The following DHX34 variants were observed in gnomAD, a reference collection of about 807,000 sequenced individuals.
DHX34 encodes the protein probable ATP-dependent RNA helicase DHX34.
A neutral mutation model predicts 111.1 loss-of-function variants in DHX34; 96 were observed. The observed-to-expected ratio is 0.86, with a 90% CI of 0.73 to 1.02. The LOEUF is 1.02. Among genes scored for constraint, DHX34 ranks in the 50% least tolerant of loss-of-function variants. The pLI, the probability that DHX34 is intolerant of heterozygous loss-of-function variation, is 0.00. For missense variants in DHX34, 1,560 were observed against 1,579.9 expected, an observed-to-expected ratio of 0.99 and a Z score of 0.21; for synonymous variants, 688 against 670.4, an observed-to-expected ratio of 1.03 and a Z score of -0.41.
rs752155632 is a variant in DHX34, at chr19:47,359,927, G to A, written c.1273-41G>A. ...AAATTGGACACATAGGTTAGTCGGGGCTGAGTTAGTTCCTGACACCACCCC... is the reference window on the plus strand; with the variant it reads ...AAATTGGACACATAGGTTAGTCGGGACTGAGTTAGTTCCTGACACCACCCC... On this transcript the variant is annotated intron_variant, in intron 4 of 16. Coordinates refer to ENST00000328771, the MANE Select transcript of DHX34 (RefSeq NM_014681.6). 3.7e-6 allele frequency: 6 copies of A among 1,613,632 alleles called. No homozygotes were observed. In the Admixed American group the frequency reaches 8.3e-5, roughly 22 times the overall value.
intron 7 of DHX34, among the ~76,000 whole-genome samples, chr19:47,367,856 A>G (rs1171290060): frequency 7.0e-6 from 1 of 141,914 alleles, no homozygotes; most frequent in Non-Finnish European, 1.5e-5. Flanking sequence ...AGACCATGCC[A>G]TTGTACTCTA....
At chr19:47,381,517 A>C in intron 16 of DHX34, 193 bp downstream of exon 16, 1 of 750,696 alleles carries the variant, frequency 1.3e-6, no homozygotes, top group Admixed American at 3.1e-5. Context: ...CTGGAGCGCC[A>C]CCTCTTTCTG....
At position 47,380,957 on chromosome 19, in the gene DHX34, G is replaced by A. The variant is rs148368794; in HGVS notation, c.3124G>A (p.Ala1042Thr). The A allele has an allele frequency of 2.8e-5, 45 of 1,597,958 alleles. No homozygotes were observed. The highest frequency in any genetic ancestry group is 3.5e-5 in the Non-Finnish European group (41 of 1,173,064). Reference sequence around the variant, plus strand: ...CCCCCACCCCACAAAGGGGGGCTACGCAGTCACTGACTTCCTCACCTACAA... The same window carrying A: ...CCCCCACCCCACAAAGGGGGGCTACACAGTCACTGACTTCCTCACCTACAA... ...LSPHPTKGGY[A>T]VTDFLTYNCL... is the part of the protein sequence containing the mutation. The change falls in exon 15 of 17, where the codon GCA becomes ACA. Residue 1042 changes from alanine (A) to threonine (T), a missense_variant. Physicochemically the swap from Ala to Thr is moderately conservative, Grantham distance 58. Coordinates refer to ENST00000328771, the MANE Select transcript of DHX34 (RefSeq NM_014681.6).
chr19:47,359,574 G>C (rs1169728062), intron 4 of DHX34, among the ~76,000 whole-genome samples: 1 of 152,098 alleles, frequency 6.6e-6, no homozygotes, highest in African/African-American at 2.4e-5. Context: ...CTGAGGTCAA[G>C]AGTTCAAGAC....
chr19:47,356,241 T>A (rs1400396504), intron 3 of DHX34, among the ~76,000 whole-genome samples: 1 of 152,192 alleles, frequency 6.6e-6, no homozygotes, highest in Non-Finnish European at 1.5e-5. Flanking sequence ...TGAGTTATCC[T>A]TGTCTGTATA....
chr19:47,381,014 C>T (rs1599780731), intron 15 of DHX34, 22 bp downstream of exon 15: 1 of 1,547,176 alleles, frequency 6.5e-7, no homozygotes, highest in Non-Finnish European at 8.7e-7. Flanking sequence ...CCCTCCTTCC[C>T]TGAAGGTGGG....
intron 7 of DHX34, 83 bp from the exon 8 acceptor site, chr19:47,372,641 CAGGCGG>C: frequency 7.8e-7 from 1 of 1,281,746 alleles, no homozygotes; most frequent in African/African-American, 2.2e-5. Context: ...AGCAGGAGGG[CAGGCGG>C]GAGGGCAGGC....
chr19:47,382,078 A>G lies in DHX34; in HGVS notation c.3397A>G (p.Thr1133Ala). 6.2e-7 allele frequency: 1 copy of G among 1,613,986 alleles called. No individual in the cohort carries two copies. The highest frequency in any genetic ancestry group is 8.5e-7 in the Non-Finnish European group (1 of 1,179,982). ...ACGKDFLFTPTEVLRHRKQHV is the reference protein window; with the variant it reads ...ACGKDFLFTPAEVLRHRKQHV The stretch of plus-strand genomic sequence containing the variant: ...CGGGAAGGACTTCCTCTTTACACCC[A>G]CAGAGGTGCTGCGCCACCGGAAGCA... The change falls in exon 17 of 17, where the codon ACA (threonine) becomes GCA (alanine). Residue 1133 changes from threonine (T) to alanine (A), a missense_variant. Transcript: ENST00000328771.
intron 4 of DHX34, among the ~76,000 whole-genome samples, chr19:47,359,461 CAA>C (rs112009015): frequency 1.9e-4 from 21 of 110,804 alleles, no homozygotes; most frequent in African/African-American, 2.0e-4. Context: ...GATCCTGTCT[CAA>C]AAAAAAAAAA....
Position 47,382,137 on chromosome 19 carries a change from C to G in DHX34, c.*24C>G, listed in dbSNP as rs1301797579. 3 of 1,612,286 alleles carry G rather than the reference C, an allele frequency of 1.9e-6. No individual in the cohort carries two copies. The highest frequency in any genetic ancestry group is 2.5e-6 in the Non-Finnish European group (3 of 1,179,186). On this transcript the variant is annotated 3_prime_UTR_variant, in exon 17 of 17. Coordinates refer to ENST00000328771, the MANE Select transcript of DHX34 (RefSeq NM_014681.6). ...GAGCTGGGCCAGGAGCCCTGCCCAC[C>G]TCCGTGCAGCTGACCTGCCCTCCAG...
chr19:47,369,095 C>G (rs1969890494), intron 7 of DHX34, among the ~76,000 whole-genome samples: 1 of 152,158 alleles, frequency 6.6e-6, no homozygotes, highest in Non-Finnish European at 1.5e-5. Context: ...CCAGGCTGGT[C>G]TCGAAGTCCT....
intron 1 of DHX34, among the ~76,000 whole-genome samples, chr19:47,350,484 C>T (rs1255403486): frequency 6.7e-6 from 1 of 148,570 alleles, no homozygotes; most frequent in Non-Finnish European, 1.5e-5. Context: ...TGCAGTGGTG[C>T]GATCTTGGCT....
At chr19:47,359,313 C>T (rs1248848647) in intron 4 of DHX34, among the ~76,000 whole-genome samples, 1 of 152,010 alleles carries the variant, frequency 6.6e-6, no homozygotes, top group African/African-American at 2.4e-5. Flanking sequence ...CGGAAGAAAA[C>T]TAGCTGGGCA....
intron 9 of DHX34, among the ~76,000 whole-genome samples, chr19:47,374,060 C>G (rs1448889114): frequency 1.3e-5 from 2 of 152,192 alleles, no homozygotes; most frequent in African/African-American, 4.8e-5. Context: ...GATCCCAGCT[C>G]TGCCATTTCT....
Position 47,380,931 on chromosome 19 carries a change from C to T in DHX34, c.3098C>T (p.Ser1033Phe), listed in dbSNP as rs942536509. 4.4e-6 allele frequency: 7 copies of T among 1,608,336 alleles called. No individual in the cohort carries two copies. Among genetic ancestry groups the T allele is most frequent in the African/African-American group, 1.3e-5 (1 of 74,684 alleles). ...LPGLFGSSTL[S>F]PHPTKGGYAV... Reference sequence around the variant, plus strand: ...GGCCTCTTTGGCAGCTCCACCCTGTCCCCCCACCCCACAAAGGGGGGCTAC... The same window carrying T: ...GGCCTCTTTGGCAGCTCCACCCTGTTCCCCCACCCCACAAAGGGGGGCTAC... Residue 1033 changes from serine to phenylalanine, a missense_variant, in exon 15 of 17, where the codon TCC becomes TTC. Ser to Phe is a radical substitution (Grantham distance 155). Transcript: ENST00000328771.
intron 6 of DHX34, among the ~76,000 whole-genome samples, chr19:47,363,297 C>T (rs924407578): frequency 1.3e-5 from 2 of 151,850 alleles, no homozygotes; most frequent in African/African-American, 4.8e-5. Flanking sequence ...TGCTATGTTG[C>T]CCAGGCTGGT....
intron 4 of DHX34, 81 bp from the exon 5 acceptor site, chr19:47,359,887 A>C: frequency 6.2e-7 from 1 of 1,603,850 alleles, no homozygotes; most frequent in Non-Finnish European, 8.5e-7. Flanking sequence ...AGCTGCTGAC[A>C]CGGGGGTGGG....
At chr19:47,350,011 G>A (rs933128771) in intron 1 of DHX34, among the ~76,000 whole-genome samples, 1 of 152,088 alleles carries the variant, frequency 6.6e-6, no homozygotes, top group Non-Finnish European at 1.5e-5. Flanking sequence ...TAAAATAGGG[G>A]GTGATCATAG....
chr19:47,376,011 C>T lies in DHX34; in HGVS notation c.2395C>T (p.Leu799=). ...GGACCTGAGCCGCGAGCAGCTGGCT[C>T]TGCTGAAGCTGGTGCTGGGCCGGGG... is the stretch of plus-strand genomic sequence containing the variant. The part of the protein sequence containing the change: ...AQDLSREQLA[L]LKLVLGRGLY... Residue 799 remains leucine (L), a synonymous_variant, in exon 11 of 17, where the codon CTG becomes TTG. Coordinates refer to ENST00000328771, the MANE Select transcript of DHX34 (RefSeq NM_014681.6). The T allele has an allele frequency of 6.2e-7, 1 of 1,605,238 alleles. No homozygotes were observed. The highest frequency in any genetic ancestry group is 2.2e-4 in the Middle Eastern group (1 of 4,508).
Sources: allele counts gnomAD v4.1 joint callset (sites outside exome capture counted in the v4.1 genomes callset), GRCh38; gene constraint gnomAD v4.1.1; transcripts MANE v1.5; gene names NCBI Gene and HGNC (gene_info 2026-07-23, HGNC 2026-07-21).